Variants in EBF2 observed in about 807,000 individuals in gnomAD.
EBF2 encodes transcription factor COE2.
A neutral mutation model predicts 72.8 loss-of-function variants in EBF2; 21 were observed. The ratio of observed to expected loss-of-function variants is 0.29; its 90% CI spans 0.20 to 0.42. The LOEUF is 0.42. Ranked by LOEUF, EBF2 falls within the 10% of genes least tolerant of loss-of-function variation. The pLI is 1.00. For synonymous variants in EBF2, 299 were observed against 274.2 expected, an observed-to-expected ratio of 1.09 and a Z score of -0.89; for missense variants, 637 against 731.2, an observed-to-expected ratio of 0.87 and a Z score of 1.49.
At chr8:25,980,825 C>T (rs1196248822) in intron 6 of EBF2, among the ~76,000 whole-genome samples, 2 of 147,626 alleles carry the variant, frequency 1.4e-5, no homozygotes, top group African/African-American at 2.5e-5. Flanking sequence ...ATGCCAAATG[C>T]CTTGGAGGAA....
chr8:26,018,814 T>C (rs1246064057), intron 6 of EBF2, among the ~76,000 whole-genome samples: 1 of 151,970 alleles, frequency 6.6e-6, no homozygotes, highest in African/African-American at 2.4e-5. Context: ...CATTACATCT[T>C]ATTTTCACTG....
In EBF2 at chr8:26,040,940, G is replaced by A. The variant is rs745411054; in HGVS notation, c.351C>T (p.Asn117=). The change falls in exon 3 of 16, where the codon AAC becomes AAT. Residue 117 remains asparagine (N), a splice_region_variant and synonymous_variant. Transcript: ENST00000520164. ...CACCGTTGCTGTAGAAGAGCTCACCGTTGCTGTAGAGGAGCTGTAACTTGT... is the reference window on the plus strand; with the variant it reads ...CACCGTTGCTGTAGAAGAGCTCACCATTGCTGTAGAGGAGCTGTAACTTGT... The part of the protein sequence containing the change: ...THYKLQLLYS[N]GVRTEQDLYV... 1.5e-5 allele frequency: 24 copies of A among 1,614,206 alleles called. 1 individual carries two copies. The South Asian group carries it at 2.3e-4, about 16-fold the overall frequency.
At chr8:25,978,070 C>T (rs1804297109) in intron 6 of EBF2, among the ~76,000 whole-genome samples, 1 of 152,118 alleles carries the variant, frequency 6.6e-6, no homozygotes, top group Admixed American at 6.6e-5. Context: ...GCTGGACAGC[C>T]CCAGAGGCCA....
At chr8:25,885,287 C>T (rs1802671452) in intron 10 of EBF2, among the ~76,000 whole-genome samples, 1 of 151,954 alleles carries the variant, frequency 6.6e-6, no homozygotes, top group Admixed American at 6.6e-5. Context: ...TTTAAGTGTG[C>T]AGCTCATTTG....
chr8:25,865,224 C>T (rs958455108), intron 10 of EBF2, among the ~76,000 whole-genome samples: 4 of 152,142 alleles, frequency 2.6e-5, no homozygotes, highest in African/African-American at 9.7e-5. Context: ...AGCAACACTC[C>T]ACCTTCTTCT....
intron 10 of EBF2, among the ~76,000 whole-genome samples, chr8:25,872,817 G>A (rs533091814): frequency 3.3e-5 from 5 of 152,308 alleles, no homozygotes; most frequent in Non-Finnish European, 5.9e-5. Context: ...TACCTGCCAC[G>A]TGGCTTTGGC....
intron 6 of EBF2, among the ~76,000 whole-genome samples, chr8:25,954,697 C>T (rs1803914874): frequency 6.6e-6 from 1 of 152,178 alleles, no homozygotes; most frequent in South Asian, 2.1e-4. Flanking sequence ...GCACCGCCCC[C>T]GCCCCTTCCC....
rs566053894 is a variant in EBF2, at chr8:26,044,281, C to T, written c.131+448G>A. Among the ~76,000 whole-genome samples, 7 of 152,268 alleles carry T rather than the reference C, an allele frequency of 4.6e-5. No homozygotes were observed. In the South Asian group the frequency reaches 1.5e-3, roughly 32 times the overall value. ...CTCCCAGGCTCCAGGAATCGCCCAGCAAGATGCGGGAGGTAGGCGCTCGCA... is the reference window on the plus strand; with the variant it reads ...CTCCCAGGCTCCAGGAATCGCCCAGTAAGATGCGGGAGGTAGGCGCTCGCA... On this transcript the variant is annotated intron_variant, in intron 1 of 15. Transcript: ENST00000520164. This position sits in a 1 kb window ranked among gnomAD's most constrained non-coding sequence, Gnocchi z 4.1.
intron 6 of EBF2, among the ~76,000 whole-genome samples, chr8:25,933,871 C>T (rs1803527233): frequency 6.6e-6 from 1 of 151,926 alleles, no homozygotes; most frequent in Non-Finnish European, 1.5e-5. Flanking sequence ...GAATAATTAC[C>T]AATTATTTCT....
intron 14 of EBF2, among the ~76,000 whole-genome samples, chr8:25,857,565 G>A (rs1036767599): frequency 2.1e-4 from 32 of 152,122 alleles, no homozygotes; most frequent in African/African-American, 7.5e-4. Flanking sequence ...TATTCCCTAG[G>A]TAGGTTTGAA....
At chr8:25,850,942 A>G (rs1165111480) in intron 14 of EBF2, among the ~76,000 whole-genome samples, 181 bp from the exon 15 acceptor site, 1 of 152,136 alleles carries the variant, frequency 6.6e-6, no homozygotes, top group Non-Finnish European at 1.5e-5. Context: ...ACAGACACAT[A>G]AAACAACTAA....
chr8:25,991,616 C>T (rs771556789), intron 6 of EBF2, among the ~76,000 whole-genome samples: 6 of 152,080 alleles, frequency 3.9e-5, no homozygotes, highest in Middle Eastern at 3.2e-3. Context: ...GAGGTCGAGG[C>T]GGGCAGATCA....
At chr8:25,911,119 G>A (rs1357741540) in intron 6 of EBF2, among the ~76,000 whole-genome samples, 1 of 151,966 alleles carries the variant, frequency 6.6e-6, no homozygotes, top group African/African-American at 2.4e-5. Context: ...TTTAGCCACG[G>A]GGTAACTTAC....
chr8:25,969,178 T>G (rs1804156292), intron 6 of EBF2, among the ~76,000 whole-genome samples: 1 of 152,212 alleles, frequency 6.6e-6, no homozygotes, highest in African/African-American at 2.4e-5. Context: ...AGGAATTGTC[T>G]AAGAAGATTT....
intron 6 of EBF2, among the ~76,000 whole-genome samples, chr8:26,026,535 G>A (rs967948208): frequency 3.3e-5 from 5 of 152,154 alleles, no homozygotes; most frequent in Non-Finnish European, 5.9e-5. Flanking sequence ...GTCCTAATCC[G>A]AGGCCCTTTT....
intron 10 of EBF2, among the ~76,000 whole-genome samples, chr8:25,882,392 C>T (rs1802618131): frequency 6.6e-6 from 1 of 152,176 alleles, no homozygotes; most frequent in Non-Finnish European, 1.5e-5. Flanking sequence ...ATTCTATCCA[C>T]TCTCTATCCC....
At chr8:25,938,057 C>A (rs1025797003) in intron 6 of EBF2, among the ~76,000 whole-genome samples, 1 of 152,008 alleles carries the variant, frequency 6.6e-6, no homozygotes, top group African/African-American at 2.4e-5. Flanking sequence ...ATTCAGAATT[C>A]GGAATAGTTT....
chr8:25,897,033 C>A (rs1286517643), intron 7 of EBF2, among the ~76,000 whole-genome samples: 1 of 152,246 alleles, frequency 6.6e-6, no homozygotes, highest in East Asian at 1.9e-4. Context: ...CCAGAATTCT[C>A]AGCAATGGCT....
rs1805658303 is a variant in EBF2 at position 26,044,129 on chromosome 8, G to C, written c.131+600C>G. 6.6e-6 allele frequency among the ~76,000 whole-genome samples: 1 copy of C among 152,198 alleles called. No homozygotes were observed. Among genetic ancestry groups the C allele is most frequent in the Non-Finnish European group, 1.5e-5 (1 of 68,036 alleles). ...CCTAGCTCCGTTCGTCTGGCTCACT[G>C]TTTTATCTTTGAGCCGGGACCCTCC... is the stretch of plus-strand genomic sequence containing the variant. On this transcript the variant is annotated intron_variant, in intron 1 of 15. Transcript: ENST00000520164. The surrounding 1 kb of genome is among the most constrained non-coding windows in gnomAD (Gnocchi z 4.1).
Sources: allele counts gnomAD v4.1 joint callset (sites outside exome capture counted in the v4.1 genomes callset), GRCh38; gene constraint gnomAD v4.1.1; non-coding constraint Gnocchi (gnomAD v3.1); transcripts MANE v1.5; gene names NCBI Gene and HGNC (gene_info 2026-07-23, HGNC 2026-07-21).